GGT5: variants seen among roughly 807,000 people sequenced by gnomAD.
The protein encoded by GGT5 is gamma-glutamyltransferase 5.
Under a neutral mutation model 58.1 loss-of-function variants are expected in GGT5, and 50 were observed. That is an observed-to-expected ratio of 0.86 (90% CI 0.69 to 1.09). GGT5 has a LOEUF of 1.09. Ranked by LOEUF, GGT5 falls within the 50% of genes least tolerant of loss-of-function variation. The probability of loss-of-function intolerance (pLI) is 0.00; values close to 1 mark genes in which losing one functional copy is unlikely to be tolerated. For synonymous variants in GGT5, 370 were observed against 346.1 expected (o/e 1.07, Z -0.77); for missense variants, 800 against 789.4 (o/e 1.01, Z -0.16).
intron 11 of GGT5, among the ~76,000 whole-genome samples, chr22:24,222,847 G>A (rs1383275796): frequency 3.3e-5 from 5 of 152,150 alleles, no homozygotes; most frequent in Non-Finnish European, 7.3e-5. Flanking sequence ...GGAGGCCAAG[G>A]CGGGCGGATC....
chr22:24,237,629 G>C (rs1414441761), intron 1 of GGT5, among the ~76,000 whole-genome samples: 1 of 151,864 alleles, frequency 6.6e-6, no homozygotes, highest in Admixed American at 6.6e-5. Context: ...GGCTGGTCTT[G>C]TACTCCTGAC....
Position 24,220,134 on chromosome 22 carries a change from C to T in GGT5, c.1615-18G>A, listed in dbSNP as rs1173471420. On this transcript the variant is annotated intron_variant, in intron 11 of 11. Transcript: ENST00000327365. ...TGCACCTCCTGGAGAGGAGAGAAAG[C>T]AGGTTCACAGGGGAGGGCAGCTCAG... 1 of 1,612,818 alleles carries T rather than the reference C, an allele frequency of 6.2e-7. No individual in the cohort carries two copies. The highest frequency in any genetic ancestry group is 1.7e-5 in the Admixed American group (1 of 59,904).
At chr22:24,226,519 CCACAT>C in intron 7 of GGT5, 107 bp downstream of exon 7, 7 of 1,208,018 alleles carry the variant, frequency 5.8e-6, no homozygotes, top group Non-Finnish European at 8.3e-6. Context: ...TGGCCTAGAA[CCACAT>C]ACATATCCCT....
intron 1 of GGT5, among the ~76,000 whole-genome samples, chr22:24,238,936 TA>T (rs2048244264): frequency 5.6e-5 from 1 of 17,900 alleles, no homozygotes. Flanking sequence ...ATATATATTA[TA>T]TAATATATAT....
rs765401891 is a variant in GGT5 at position 24,225,256 on chromosome 22, CAG to C, written c.1490_1491del (p.Ser497CysfsTer15). On this transcript the variant is annotated frameshift_variant, in exon 10 of 12. Coordinates refer to ENST00000327365, the MANE Select transcript of GGT5 (RefSeq NM_004121.5). LOFTEE classifies it high-confidence loss of function. ...IGGAGGELII[S>X]AVAQAIMSKL... ...AGCCCCAGACTCACCTGGGCCACAGCAGAGATGATGAGCTCCCCGCCAGCCCC... is the reference window on the plus strand; with the variant it reads ...AGCCCCAGACTCACCTGGGCCACAGCAGATGATGAGCTCCCCGCCAGCCCC... 8.1e-6 allele frequency: 13 copies of C among 1,613,454 alleles called. No homozygotes were observed. The South Asian group carries it at 1.4e-4, about 18-fold the overall frequency.
chr22:24,230,540 A>G (rs1022059296), intron 6 of GGT5, among the ~76,000 whole-genome samples: 4 of 152,110 alleles, frequency 2.6e-5, no homozygotes, highest in Non-Finnish European at 5.9e-5. Flanking sequence ...CCTAGGCGAC[A>G]GAGCAAGACA....
At chr22:24,238,865 A>AT (rs1491348560) in intron 1 of GGT5, among the ~76,000 whole-genome samples, 3 of 8,928 alleles carry the variant, frequency 3.4e-4, no homozygotes, top group African/African-American at 2.3e-3. Context: ...TTATATATAT[A>AT]ATATATATAA....
Position 24,225,067 on chromosome 22 carries a change from C to T in GGT5, c.1543G>A (p.Ala515Thr), listed in dbSNP as rs1237262833. The part of the protein sequence containing the change: ...SKLWLGFDLR[A>T]AIAAPILHVN... Reference sequence around the variant, plus strand: ...TGCAGGATGGGGGCTGCAATGGCCGCTCTCAGGTCAAAGCCAAGCCACAGC... The same window carrying T: ...TGCAGGATGGGGGCTGCAATGGCCGTTCTCAGGTCAAAGCCAAGCCACAGC... Residue 515 changes from alanine (A) to threonine (T), a missense_variant, in exon 11 of 12, where the codon GCG becomes ACG. By Grantham distance (58) the Ala-to-Thr change is moderately conservative. Transcript: ENST00000327365. The T allele has an allele frequency of 1.2e-6, 2 of 1,601,104 alleles. No homozygotes were observed. Among genetic ancestry groups the T allele is most frequent in the Non-Finnish European group, 1.7e-6 (2 of 1,174,040 alleles).
intron 1 of GGT5, among the ~76,000 whole-genome samples, chr22:24,238,247 A>G (rs902970704): frequency 6.9e-6 from 1 of 145,400 alleles, no homozygotes; most frequent in African/African-American, 2.6e-5. Flanking sequence ...AAAAAAAAAA[A>G]GGCCAGGCGC....
At chr22:24,221,375 C>G (rs932788095) in intron 11 of GGT5, among the ~76,000 whole-genome samples, 6 of 151,210 alleles carry the variant, frequency 4.0e-5, no homozygotes, top group Middle Eastern at 3.4e-3. Flanking sequence ...ATTTTGCAGA[C>G]CCTGCACTTG....
intron 6 of GGT5, among the ~76,000 whole-genome samples, chr22:24,228,730 G>T (rs1470239698): frequency 1.3e-5 from 2 of 152,080 alleles, no homozygotes; most frequent in African/African-American, 4.8e-5. Flanking sequence ...GATTACAGGC[G>T]TGAGCCACCA....
chr22:24,223,303 A>G (rs2047655030), intron 11 of GGT5, among the ~76,000 whole-genome samples: 1 of 152,144 alleles, frequency 6.6e-6, no homozygotes, highest in Non-Finnish European at 1.5e-5. Flanking sequence ...TCAGAGGCTG[A>G]GGCAGGAGAA....
At chr22:24,228,059 AAAAAAAAC>A (rs2047823657) in intron 6 of GGT5, among the ~76,000 whole-genome samples, 1 of 129,454 alleles carries the variant, frequency 7.7e-6, no homozygotes, top group Non-Finnish European at 1.6e-5. Context: ...AAAAAAAAAA[AAAAAAAAC>A]AAAACAAAAA....
chr22:24,226,609 C>CCAGCAACCT (rs1698453769), intron 7 of GGT5, 22 bp downstream of exon 7: 1 of 1,613,226 alleles, frequency 6.2e-7, no homozygotes, highest in South Asian at 1.1e-5. Flanking sequence ...GCCCACCAGC[C>CCAGCAACCT]CAGCAACCTC....
chr22:24,223,537 G>A (rs2330738), intron 11 of GGT5, among the ~76,000 whole-genome samples: 3 of 152,120 alleles, frequency 2.0e-5, no homozygotes, highest in East Asian at 3.9e-4. Flanking sequence ...GACCCTACAT[G>A]CGGAGGGAGG....
chr22:24,224,236 A>G (rs541366374), intron 11 of GGT5, among the ~76,000 whole-genome samples: 126 of 149,086 alleles, frequency 8.5e-4, no homozygotes, highest in African/African-American at 3.0e-3. Context: ...TAGGCTGGGC[A>G]TGGTGGCTCA....
At chr22:24,224,862 T>A in intron 11 of GGT5, 134 bp downstream of exon 11, 1 of 648,234 alleles carries the variant, frequency 1.5e-6, no homozygotes, top group Non-Finnish European at 2.7e-6. Flanking sequence ...GGTCCCCAAC[T>A]CCTATGGCCC....
chr22:24,229,725 C>T (rs374385670), intron 6 of GGT5, among the ~76,000 whole-genome samples: 1 of 151,704 alleles, frequency 6.6e-6, no homozygotes, highest in East Asian at 1.9e-4. Flanking sequence ...GTAGCGTGCA[C>T]CTGTAATCCC....
rs752530150 is a variant in GGT5 at position 24,231,540 on chromosome 22, G to A, written c.755-10C>T. The A allele has an allele frequency of 6.3e-7, 1 of 1,586,492 alleles. No homozygotes were observed. The highest frequency in any genetic ancestry group is 1.8e-5 in the Admixed American group (1 of 56,196). On this transcript the variant is annotated splice_polypyrimidine_tract_variant and intron_variant, in intron 5 of 11. Transcript: ENST00000327365. The stretch of plus-strand genomic sequence containing the variant: ...AGCGTCAGCTGGCTCCCTGGGATGA[G>A]AAGGAGAGGGCTCCATGAACAGATG...
Sources: allele counts gnomAD v4.1 joint callset (sites outside exome capture counted in the v4.1 genomes callset), GRCh38; gene constraint gnomAD v4.1.1; transcripts MANE v1.5; gene names NCBI Gene and HGNC (gene_info 2026-07-23, HGNC 2026-07-21).